The following CSGALNACT1 variants were observed in gnomAD, a reference collection of about 807,000 sequenced individuals.
CSGALNACT1 encodes the protein beta4GalNAcT-1.
A neutral mutation model predicts 51.0 loss-of-function variants in CSGALNACT1; 52 were observed. That is an observed-to-expected ratio of 1.02 (90% CI 0.82 to 1.29). CSGALNACT1 has a LOEUF of 1.29. CSGALNACT1 is among the 50% of genes most tolerant of loss of function. CSGALNACT1 has a pLI of 0.00. For missense variants in CSGALNACT1, 935 were observed against 679.2 expected, an observed-to-expected ratio of 1.38 and a Z score of -4.19; for synonymous variants, 341 against 254.4, an observed-to-expected ratio of 1.34 and a Z score of -3.24.
intron 3 of CSGALNACT1, among the ~76,000 whole-genome samples, chr8:19,565,771 T>C (rs916627690): frequency 6.6e-6 from 1 of 151,994 alleles, no homozygotes; most frequent in Non-Finnish European, 1.5e-5. Flanking sequence ...ATGCAAAAAT[T>C]AGCCTGGTGC....
chr8:19,535,960 T>A (rs1055878723), intron 3 of CSGALNACT1, among the ~76,000 whole-genome samples: 1 of 152,134 alleles, frequency 6.6e-6, no homozygotes, highest in South Asian at 2.1e-4. Context: ...ATAGATCTAG[T>A]ACTGGAAGTT....
chr8:19,603,399 C>T (rs2050859272), upstream of CSGALNACT1, among the ~76,000 whole-genome samples: 1 of 152,220 alleles, frequency 6.6e-6, no homozygotes, highest in South Asian at 2.1e-4. Flanking sequence ...TGCCGACTGC[C>T]TAGGGCCAGC....
intron 1 of CSGALNACT1, among the ~76,000 whole-genome samples, chr8:19,612,329 T>C (rs528494117): frequency 1.3e-5 from 2 of 149,668 alleles, no homozygotes; most frequent in African/African-American, 2.5e-5. Flanking sequence ...GATGGCAGGA[T>C]GAATCCCTGT....
rs138195231 is a variant in CSGALNACT1, at chr8:19,516,065, G to A, written c.-296-9935C>T. ...GAGTCTTTTGGGGCTCTTGGTGCCG[G>A]TTCTCACCCCAAACTGAGAACCGCA... On this transcript the variant is annotated intron_variant, in intron 3 of 9. Coordinates refer to ENST00000454498, the Ensembl canonical transcript of CSGALNACT1. Among the ~76,000 whole-genome samples, 1,398 of 152,204 alleles carry A rather than the reference G, an allele frequency of 9.2e-3. 15 individuals are homozygous for A. The highest frequency in any genetic ancestry group is 0.04 in the South Asian group (194 of 4,812).
chr8:19,635,435 G>A (rs1476704348), intron 1 of CSGALNACT1, among the ~76,000 whole-genome samples: 1 of 152,184 alleles, frequency 6.6e-6, no homozygotes, highest in Non-Finnish European at 1.5e-5. Context: ...ATCTAGGCCT[G>A]TTGCCCTAAA....
upstream of CSGALNACT1, among the ~76,000 whole-genome samples, chr8:19,603,158 C>A (rs190245652): frequency 6.8e-6 from 1 of 147,666 alleles, no homozygotes; most frequent in African/African-American, 2.5e-5. Flanking sequence ...AAAAGAAAAA[C>A]AGGCCCAGAA....
intron 2 of CSGALNACT1, among the ~76,000 whole-genome samples, chr8:19,594,978 T>C (rs969485837): frequency 2.0e-5 from 3 of 152,194 alleles, no homozygotes; most frequent in Non-Finnish European, 2.9e-5. Context: ...CATTTGATGA[T>C]AGAAGTAGCC....
chr8:19,533,265 TACC>T (rs368094696), intron 3 of CSGALNACT1, among the ~76,000 whole-genome samples: 21 of 152,142 alleles, frequency 1.4e-4, no homozygotes, highest in African/African-American at 5.1e-4. Flanking sequence ...TACAGGTACA[TACC>T]ACCACACCTA....
At chr8:19,655,110 T>C (rs2058143179) in intron 1 of CSGALNACT1, among the ~76,000 whole-genome samples, 1 of 152,170 alleles carries the variant, frequency 6.6e-6, no homozygotes, top group Non-Finnish European at 1.5e-5. Flanking sequence ...CTAATCGCTC[T>C]TTGGAAAATA....
At chr8:19,505,276 C>G in exon 4 of CSGALNACT1, 1 of 1,614,176 alleles carries the variant, frequency 6.2e-7, no homozygotes, top group South Asian at 1.1e-5. Context: ...GTCTCCAAGG[C>G]TGATTCAATG....
chr8:19,605,495 C>T (rs903006697), upstream of CSGALNACT1, among the ~76,000 whole-genome samples: 1 of 152,120 alleles, frequency 6.6e-6, no homozygotes, highest in Non-Finnish European at 1.5e-5. Context: ...GGGTCTCAGT[C>T]CCCTCCCCTG....
chr8:19,738,654 T>A (rs999651445), intron 1 of CSGALNACT1, among the ~76,000 whole-genome samples: 1 of 152,128 alleles, frequency 6.6e-6, no homozygotes, highest in Non-Finnish European at 1.5e-5. Context: ...TATTTTACCA[T>A]GATAAAAAAA....
At position 19,405,817 on chromosome 8, in the gene CSGALNACT1, C is replaced by T. The variant is rs61910741; in HGVS notation, c.1562G>A (p.Arg521His). Reference sequence around the variant, plus strand: ...GCTACTTGTCTTCTGTTTCTGTTTGCGAAGGTGAGCCTCTATCTCGTGCCT... The same window carrying T: ...GCTACTTGTCTTCTGTTTCTGTTTGTGAAGGTGAGCCTCTATCTCGTGCCT... The change falls in exon 10 of 10, where the codon CGC becomes CAC. Residue 521 changes from arginine (R) to histidine (H), a missense_variant. Arg to His is a conservative substitution (Grantham distance 29). Transcript: ENST00000454498. The T allele has an allele frequency of 5.6e-6, 9 of 1,613,982 alleles. No homozygotes were observed. In the East Asian group the frequency reaches 6.7e-5, roughly 12 times the overall value.
intron 3 of CSGALNACT1, among the ~76,000 whole-genome samples, chr8:19,507,300 G>C (rs547662333): frequency 6.6e-6 from 1 of 152,178 alleles, no homozygotes; most frequent in South Asian, 2.1e-4. Context: ...TCTGTGTCCT[G>C]ATAGTTCATA....
rs756603032 is a variant in CSGALNACT1, at chr8:19,439,873, C to T, written c.910G>A (p.Glu304Lys). ...ATTCCTTTGACTTCATTTATTTCTT[C>T]TTTCCCAAAGTAAACAACAGTGAGA... The change falls in exon 6 of 10, where the codon GAA becomes AAA. Residue 304 changes from glutamate (E) to lysine (K), a missense_variant. Coordinates refer to ENST00000454498, the Ensembl canonical transcript of CSGALNACT1. 3.7e-6 allele frequency: 6 copies of T among 1,614,182 alleles called. No individual in the cohort carries two copies. The Admixed American group carries it at 5.0e-5, about 13-fold the overall frequency.
At chr8:19,717,386 T>C (rs1054649636) in intron 1 of CSGALNACT1, among the ~76,000 whole-genome samples, 1 of 152,108 alleles carries the variant, frequency 6.6e-6, no homozygotes, top group Non-Finnish European at 1.5e-5. Context: ...TTCTGTGGAG[T>C]ACAGACACAT....
chr8:19,472,517 T>C (rs571089900), intron 4 of CSGALNACT1, among the ~76,000 whole-genome samples: 23 of 152,346 alleles, frequency 1.5e-4, no homozygotes, highest in East Asian at 1.3e-3. Context: ...TTCAAAGAGG[T>C]AAGCCATTTA....
At chr8:19,515,802 C>A (rs547240504) in intron 3 of CSGALNACT1, among the ~76,000 whole-genome samples, 1 of 152,030 alleles carries the variant, frequency 6.6e-6, no homozygotes, top group South Asian at 2.1e-4. Context: ...TATGCCAGAC[C>A]GTCTAGTCCC....
chr8:19,590,943 G>A (rs990728581), intron 3 of CSGALNACT1, among the ~76,000 whole-genome samples: 1 of 152,068 alleles, frequency 6.6e-6, no homozygotes, highest in Non-Finnish European at 1.5e-5. Context: ...GAGCCACTAT[G>A]CCCAGCCCTA....
Sources: allele counts gnomAD v4.1 joint callset (sites outside exome capture counted in the v4.1 genomes callset), GRCh38; gene constraint gnomAD v4.1.1; transcripts MANE v1.5; gene names NCBI Gene and HGNC (gene_info 2026-07-23, HGNC 2026-07-21).